The following NAALADL2 variants were observed in gnomAD, a reference collection of about 807,000 sequenced individuals.
NAALADL2 encodes the protein N-acetylated alpha-linked acidic dipeptidase like 2.
Under a neutral mutation model 87.2 loss-of-function variants are expected in NAALADL2, and 76 were observed. The observed-to-expected ratio is 0.87, with a 90% CI of 0.72 to 1.05. NAALADL2 has a LOEUF of 1.05. Among genes scored for constraint, NAALADL2 ranks in the 50% least tolerant of loss-of-function variants. The pLI is 0.00. For synonymous variants in NAALADL2, 354 were observed against 331.0 expected, an observed-to-expected ratio of 1.07 and a Z score of -0.75; for missense variants, 1,089 against 945.8, an observed-to-expected ratio of 1.15 and a Z score of -1.99.
intron 11 of NAALADL2, among the ~76,000 whole-genome samples, chr3:175,693,075 A>T (rs997910489): frequency 1.4e-4 from 22 of 152,156 alleles, no homozygotes; most frequent in Admixed American, 1.3e-3. Context: ...GAGTCCAGGA[A>T]ATTTGGAAGC....
intron 4 of NAALADL2, among the ~76,000 whole-genome samples, chr3:175,276,444 C>T (rs1753609711): frequency 6.6e-6 from 1 of 152,006 alleles, no homozygotes; most frequent in Admixed American, 6.6e-5. Context: ...GCTGGGACTA[C>T]AGGCATGTGC....
intron 1 of NAALADL2, among the ~76,000 whole-genome samples, chr3:174,482,069 C>G (rs548414159): frequency 3.1e-4 from 47 of 152,106 alleles, no homozygotes; most frequent in African/African-American, 1.1e-3. Context: ...ATAGGCAGAC[C>G]TTTTTAAGGG....
intron 3 of NAALADL2, among the ~76,000 whole-genome samples, chr3:174,846,493 G>A (rs1205279357): frequency 2.0e-5 from 3 of 152,046 alleles, no homozygotes; most frequent in Non-Finnish European, 4.4e-5. Context: ...AATTTTGTAT[G>A]CCACATAATA....
chr3:175,393,296 A>G (rs1277535368), intron 5 of NAALADL2, among the ~76,000 whole-genome samples: 1 of 147,580 alleles, frequency 6.8e-6, no homozygotes, highest in African/African-American at 2.5e-5. Flanking sequence ...AAAAAAAAAA[A>G]AAAAAAAAAA....
At chr3:174,546,531 A>T (rs2108480466) in intron 1 of NAALADL2, among the ~76,000 whole-genome samples, 1 of 152,280 alleles carries the variant, frequency 6.6e-6, no homozygotes, top group Admixed American at 6.5e-5. Context: ...TCTGTGATAC[A>T]AACTGACATT....
rs1329618072 is a variant in NAALADL2, at chr3:174,918,538, T to C, written c.43+59088T>C. On this transcript the variant is annotated intron_variant, in intron 1 of 13. Transcript: ENST00000454872. Reference sequence around the variant, plus strand: ...TCAGTTTTGTGGATCATCTAGGTGATTGCGCTGATCAAGGATCTGGCGGTT... The same window carrying C: ...TCAGTTTTGTGGATCATCTAGGTGACTGCGCTGATCAAGGATCTGGCGGTT... Among the ~76,000 whole-genome samples, 5 of 152,164 alleles carry C rather than the reference T, an allele frequency of 3.3e-5. No homozygotes were observed. In the East Asian group the frequency reaches 9.6e-4, roughly 29 times the overall value.
intron 2 of NAALADL2, chr3:174,550,663 T>A (rs1263429616): frequency 6.6e-6 from 1 of 152,020 alleles, no homozygotes; most frequent in East Asian, 1.9e-4. Context: ...AGATATTTTA[T>A]CCAGGATAAA....
intron 1 of NAALADL2, among the ~76,000 whole-genome samples, chr3:174,502,075 G>A (rs1718933763): frequency 6.6e-6 from 1 of 152,072 alleles, no homozygotes; most frequent in South Asian, 2.1e-4. Flanking sequence ...GGTTAAGAAG[G>A]AAAATAGAGA....
intron 2 of NAALADL2, among the ~76,000 whole-genome samples, chr3:175,137,419 A>G (rs1013956262): frequency 4.6e-5 from 7 of 152,226 alleles, no homozygotes; most frequent in African/African-American, 1.7e-4. Context: ...GCTGCATGCT[A>G]TACTATAAAA....
At chr3:175,450,202 T>G (rs1267409989) in intron 6 of NAALADL2, among the ~76,000 whole-genome samples, 1 of 152,148 alleles carries the variant, frequency 6.6e-6, no homozygotes, top group African/African-American at 2.4e-5. Context: ...TCATAGATAC[T>G]ATAAAATGCA....
At chr3:175,560,698 T>C (rs1390669206) in intron 9 of NAALADL2, among the ~76,000 whole-genome samples, 1 of 152,218 alleles carries the variant, frequency 6.6e-6, no homozygotes, top group Non-Finnish European at 1.5e-5. Flanking sequence ...TTCAGCTCAC[T>C]GCAACCTCCG....
At chr3:174,441,020 C>T (rs1714557411) in exon 1 of NAALADL2, 1 of 152,126 alleles carries the variant, frequency 6.6e-6, no homozygotes, top group South Asian at 2.1e-4. Context: ...GAGCCCGCGC[C>T]CGCGCCGCTC....
chr3:175,368,396 T>C (rs949085876), intron 5 of NAALADL2, among the ~76,000 whole-genome samples: 2 of 152,186 alleles, frequency 1.3e-5, no homozygotes, highest in Non-Finnish European at 2.9e-5. Context: ...GGTTTCCCTC[T>C]TTTTCTATTG....
intron 5 of NAALADL2, among the ~76,000 whole-genome samples, chr3:175,415,919 A>C (rs2193851): frequency 6.7e-6 from 1 of 149,438 alleles, no homozygotes; most frequent in Non-Finnish European, 1.5e-5. Flanking sequence ...TTTGAGAACA[A>C]CCTGGTCAAC....
At chr3:175,060,388 G>T (rs1450296831) in intron 1 of NAALADL2, among the ~76,000 whole-genome samples, 1 of 152,168 alleles carries the variant, frequency 6.6e-6, no homozygotes, top group East Asian at 1.9e-4. Flanking sequence ...CTGTTTTATA[G>T]ACTTCACTTA....
intron 1 of NAALADL2, among the ~76,000 whole-genome samples, chr3:174,982,883 C>T (rs1002127228): frequency 6.6e-5 from 10 of 152,210 alleles, no homozygotes; most frequent in Admixed American, 2.0e-4. Flanking sequence ...CTGCAAGCTC[C>T]GCCTCCTGGG....
At chr3:175,702,283 G>T (rs1168226577) in intron 11 of NAALADL2, among the ~76,000 whole-genome samples, 2 of 152,068 alleles carry the variant, frequency 1.3e-5, no homozygotes, top group Non-Finnish European at 2.9e-5. Context: ...CTGAAAATCT[G>T]TCTGCATATT....
intron 1 of NAALADL2, among the ~76,000 whole-genome samples, chr3:175,030,691 A>G (rs1409584356): frequency 6.6e-6 from 1 of 152,084 alleles, no homozygotes; most frequent in Non-Finnish European, 1.5e-5. Context: ...TTTTTTGTAA[A>G]TCAGATATAA....
intron 11 of NAALADL2, among the ~76,000 whole-genome samples, chr3:175,683,984 T>C (rs1735944522): frequency 6.6e-6 from 1 of 152,054 alleles, no homozygotes; most frequent in African/African-American, 2.4e-5. Flanking sequence ...TGTAAGTTTA[T>C]TACTGTTTGT....
Sources: gnomAD v4.1 joint callset for allele counts (sites outside exome capture counted in the v4.1 genomes callset) on GRCh38, gnomAD v4.1.1 for gene constraint, MANE v1.5 for transcripts, NCBI Gene and HGNC (gene_info 2026-07-23, HGNC 2026-07-21) for gene names.